TDRD9: variants seen among roughly 807,000 people sequenced by gnomAD.
TDRD9 encodes the protein tudor domain containing 9.
Under a neutral mutation model 172.6 loss-of-function variants are expected in TDRD9, and 124 were observed. The ratio of observed to expected loss-of-function variants is 0.72; its 90% CI spans 0.62 to 0.83. The LOEUF (loss-of-function observed/expected upper bound fraction) is 0.83, where lower values mean the gene tolerates loss of function less well. TDRD9 is among the 40% of genes least tolerant of loss of function. The pLI is 0.00. For synonymous variants in TDRD9, 619 were observed against 617.1 expected (o/e 1.00, Z -0.05); for missense variants, 1,479 against 1,714.1 (o/e 0.86, Z 2.42).
At chr14:104,004,452 C>G in intron 14 of TDRD9, 117 bp downstream of exon 14, 1 of 543,686 alleles carries the variant, frequency 1.8e-6, no homozygotes, top group African/African-American at 1.9e-5. Context: ...ATGATCTTGG[C>G]TCACTGCAAT....
chr14:103,994,198 A>T (rs2033974361), intron 9 of TDRD9, 134 bp from the exon 10 acceptor site: 2 of 740,942 alleles, frequency 2.7e-6, no homozygotes, highest in Non-Finnish European at 4.6e-6. Context: ...TGGCATATTT[A>T]GGCAAAGAGG....
At chr14:104,026,358 A>G (rs1466059494) in intron 27 of TDRD9, among the ~76,000 whole-genome samples, 2 of 152,216 alleles carry the variant, frequency 1.3e-5, no homozygotes, top group African/African-American at 4.8e-5. Flanking sequence ...TTAATCCAGT[A>G]GTATCTTCTA....
Position 103,999,643 on chromosome 14 carries a change from AAAACCTTTTGGGAAGGGTAGATAAAAGAC to A in TDRD9, c.1483+916_1483+944del, listed in dbSNP as rs1335960535. ...GCTTTTTTTTTTGTTTGTTTTTTAG[AAAACCTTTTGGGAAGGGTAGATAAAAGAC>A]CATTTCAAGAATACTAAAATACTAA... On this transcript the variant is annotated intron_variant, in intron 13 of 35. Coordinates refer to ENST00000409874, the MANE Select transcript of TDRD9 (RefSeq NM_153046.3). Among the ~76,000 whole-genome samples, 891 of 130,010 alleles carry A rather than the reference AAAACCTTTTGGGAAGGGTAGATAAAAGAC, an allele frequency of 6.9e-3. 268 individuals carry two copies. The highest frequency in any genetic ancestry group is 7.2e-3 in the Admixed American group (96 of 13,326). 85.3% of individuals were successfully genotyped at this position (130,010 alleles called of 152,430 possible).
intron 20 of TDRD9, among the ~76,000 whole-genome samples, chr14:104,012,506 A>T (rs1595985097): frequency 7.0e-6 from 1 of 143,556 alleles, no homozygotes; most frequent in Middle Eastern, 3.5e-3. Context: ...TGGGATTCTA[A>T]ATCATTGCTT....
chr14:103,933,239 G>T (rs954236755), intron 1 of TDRD9, among the ~76,000 whole-genome samples: 6 of 152,170 alleles, frequency 3.9e-5, no homozygotes, highest in African/African-American at 1.4e-4. Context: ...ATACCATTTT[G>T]AGCATTCTCC....
Position 103,955,744 on chromosome 14 carries a change from G to C in TDRD9, c.296G>C (p.Arg99Pro). The change falls in exon 2 of 36, where the codon CGC becomes CCC. Residue 99 changes from arginine to proline, a missense_variant. Coordinates refer to ENST00000409874, the MANE Select transcript of TDRD9 (RefSeq NM_153046.3). ...GAAGCACAAGAGCTTGATGTGTGTC[G>C]CAGTGTCCAACCAACCAGTGGGCCA... Reference protein sequence around the residue: ...QLEAQELDVCRSVQPTSGPGP... With the variant: ...QLEAQELDVCPSVQPTSGPGP... 1 of 1,551,048 alleles carries C rather than the reference G, an allele frequency of 6.4e-7. No individual in the cohort carries two copies. Among genetic ancestry groups the C allele is most frequent in the South Asian group, 1.2e-5 (1 of 84,040 alleles).
intron 34 of TDRD9, among the ~76,000 whole-genome samples, chr14:104,043,896 A>G (rs1483066375): frequency 6.6e-6 from 1 of 152,168 alleles, no homozygotes; most frequent in Admixed American, 6.5e-5. Context: ...CTGTCTGAGA[A>G]CAGGCCTTGG....
intron 20 of TDRD9, chr14:104,014,038 G>C (rs984377752): frequency 6.6e-6 from 1 of 152,122 alleles, no homozygotes; most frequent in Non-Finnish European, 1.5e-5. Flanking sequence ...GACCATCCTG[G>C]CTAACACGGT....
intron 3 of TDRD9, among the ~76,000 whole-genome samples, chr14:103,963,453 C>G (rs1444185285): frequency 6.6e-6 from 1 of 151,216 alleles, no homozygotes; most frequent in Non-Finnish European, 1.5e-5. Context: ...TCTTTCCTTC[C>G]TCAAAATATC....
intron 1 of TDRD9, 30 bp from the exon 2 acceptor site, chr14:103,955,634 T>C (rs536799175): frequency 3.9e-6 from 6 of 1,522,446 alleles, no homozygotes; most frequent in East Asian, 2.5e-5. Flanking sequence ...TTTTTGGAAA[T>C]AGTATACTAA....
At chr14:104,002,554 G>A (rs2034296782) in intron 13 of TDRD9, among the ~76,000 whole-genome samples, 1 of 152,110 alleles carries the variant, frequency 6.6e-6, no homozygotes. Context: ...CTCTTTGAAT[G>A]TGGTTTGAGC....
chr14:104,032,649 A>G (rs1358663704), intron 30 of TDRD9, among the ~76,000 whole-genome samples: 2 of 152,134 alleles, frequency 1.3e-5, no homozygotes, highest in African/African-American at 4.8e-5. Flanking sequence ...TTCTTGTTAC[A>G]ATTGTTATTC....
At chr14:104,050,936 G>A (rs1010011699) in intron 35 of TDRD9, among the ~76,000 whole-genome samples, 2 of 152,222 alleles carry the variant, frequency 1.3e-5, no homozygotes, top group Non-Finnish European at 2.9e-5. Context: ...TCTCAGTAAA[G>A]CTTGCCATAG....
chr14:103,963,509 T>A (rs2032605223), intron 3 of TDRD9, among the ~76,000 whole-genome samples: 1 of 152,216 alleles, frequency 6.6e-6, no homozygotes, highest in South Asian at 2.1e-4. Flanking sequence ...CTTGTTTAAA[T>A]AAACTCACTG....
chr14:103,968,573 A>T (rs892971282), intron 5 of TDRD9, among the ~76,000 whole-genome samples: 16 of 137,572 alleles, frequency 1.2e-4, no homozygotes, highest in Non-Finnish European at 2.4e-4. Context: ...GATCACGAGG[A>T]TTTGTGAGAT....
At chr14:104,030,147 G>A (rs767388954) in intron 28 of TDRD9, among the ~76,000 whole-genome samples, 22 of 152,176 alleles carry the variant, frequency 1.4e-4, no homozygotes, top group Middle Eastern at 3.4e-3. Flanking sequence ...AAAAAGTCCT[G>A]TAAAAATGTT....
At chr14:104,003,549 C>T (rs1237725907) in intron 13 of TDRD9, among the ~76,000 whole-genome samples, 2 of 152,160 alleles carry the variant, frequency 1.3e-5, no homozygotes, top group Non-Finnish European at 1.5e-5. Context: ...TTTTGGGTTG[C>T]CCCATTTCTT....
intron 1 of TDRD9, among the ~76,000 whole-genome samples, chr14:103,947,314 G>GTT (rs1013160136): frequency 1.3e-5 from 2 of 151,050 alleles, no homozygotes; most frequent in African/African-American, 4.9e-5. Context: ...TGTTTGTTTT[G>GTT]TTTTTTTTGT....
chr14:103,934,139 C>T lies in TDRD9; in HGVS notation c.215+5415C>T, dbSNP rs141240968. Among the ~76,000 whole-genome samples, 116 of 152,272 alleles carry T rather than the reference C, an allele frequency of 7.6e-4. 1 individual carries two copies. Among genetic ancestry groups the T allele is most frequent in the Middle Eastern group, 3.4e-3 (1 of 294 alleles). ...TCAAGCAATTTTCCTTCCTCAGTCT[C>T]CCAAGTAGCTGGGACTACAGGCACG... On this transcript the variant is annotated intron_variant, in intron 1 of 35. Transcript: ENST00000409874.
Sources: gnomAD v4.1 joint callset for allele counts (sites outside exome capture counted in the v4.1 genomes callset) on GRCh38, gnomAD v4.1.1 for gene constraint, MANE v1.5 for transcripts, NCBI Gene and HGNC (gene_info 2026-07-23, HGNC 2026-07-21) for gene names.